The following ANOS1 variants were observed in gnomAD, a reference collection of about 807,000 sequenced individuals.
ANOS1 encodes the protein anosmin 1.
In ANOS1, 6 loss-of-function variants were observed where a neutral mutation model predicts 59.0. That is an observed-to-expected ratio of 0.10 (90% CI 0.06 to 0.20). ANOS1 has a LOEUF of 0.20. Ranked by LOEUF, ANOS1 falls within the 10% of genes least tolerant of loss-of-function variation. ANOS1 has a pLI of 1.00. For missense variants in ANOS1, 433 were observed against 542.3 expected, an observed-to-expected ratio of 0.80 and a Z score of 2.00; for synonymous variants, 217 against 223.4, an observed-to-expected ratio of 0.97 and a Z score of 0.25.
intron 1 of ANOS1, among the ~76,000 whole-genome samples, chrX:8,707,778 G>C (rs1235976309): frequency 8.9e-6 from 1 of 112,017 alleles, no homozygotes; most frequent in Non-Finnish European, 1.9e-5. Context: ...CTGCCGGGGT[G>C]GGGAGGGGAG....
At chrX:8,606,271 T>C (rs2214989) in intron 3 of ANOS1, among the ~76,000 whole-genome samples, 2 of 110,969 alleles carry the variant, frequency 1.8e-5, no homozygotes, top group African/African-American at 6.5e-5. Flanking sequence ...GAAAAAAGAA[T>C]CAGTAAAATT....
intron 4 of ANOS1, among the ~76,000 whole-genome samples, chrX:8,592,419 G>C (rs1930637840): frequency 8.9e-6 from 1 of 112,043 alleles, no homozygotes; most frequent in African/African-American, 3.2e-5. Context: ...AAAAGAAACA[G>C]ACTGAAGTAC....
chrX:8,717,418 T>A lies in ANOS1; in HGVS notation c.207+14412A>T, dbSNP rs192535099. On this transcript the variant is annotated intron_variant, in intron 1 of 13. Coordinates refer to ENST00000262648, the MANE Select transcript of ANOS1 (RefSeq NM_000216.4). Reference sequence around the variant, plus strand: ...GAATATATTCTATCCAGATTTTTTTTAAAAAATTTCTTTGCAGCTGTGAAG... The same window carrying A: ...GAATATATTCTATCCAGATTTTTTTAAAAAAATTTCTTTGCAGCTGTGAAG... Among the ~76,000 whole-genome samples, 151 of 111,835 alleles carry A rather than the reference T, an allele frequency of 1.4e-3. 1 individual carries two copies. Among genetic ancestry groups the A allele is most frequent in the Middle Eastern group, 4.6e-3 (1 of 218 alleles).
At chrX:8,589,356 G>A (rs145276018) in intron 4 of ANOS1, among the ~76,000 whole-genome samples, 1,124 of 111,628 alleles carry the variant, frequency 0.01, 10 homozygotes, top group Non-Finnish European at 0.014. Context: ...TCCTCACTGT[G>A]AGTTTGTGAA....
At chrX:8,708,149 A>T (rs1334468494) in intron 1 of ANOS1, among the ~76,000 whole-genome samples, 2 of 112,256 alleles carry the variant, frequency 1.8e-5, no homozygotes, top group Non-Finnish European at 3.8e-5. Context: ...GCTTGAATCC[A>T]GGAGGCGGAG....
At chrX:8,680,720 G>C (rs777878242) in intron 2 of ANOS1, among the ~76,000 whole-genome samples, 2 of 111,558 alleles carry the variant, frequency 1.8e-5, no homozygotes, top group South Asian at 7.5e-4. Flanking sequence ...CTCTAGCACT[G>C]AGCACTAATC....
chrX:8,667,954 T>C (rs957025448), intron 2 of ANOS1, among the ~76,000 whole-genome samples: 1 of 111,493 alleles, frequency 9.0e-6, no homozygotes, highest in Non-Finnish European at 1.9e-5. Flanking sequence ...ATAACTATTT[T>C]GTAGAAGTGC....
rs968940131 is a variant in ANOS1 at position 8,573,491 on chromosome X, T to A, written c.857-2787A>T. ...GAATTCAGGGGCCTCTCTCTTCTCA[T>A]CTACACTCACTCTCTAGGGATCTCA... is the stretch of plus-strand genomic sequence containing the variant. On this transcript the variant is annotated intron_variant, in intron 6 of 13. Transcript: ENST00000262648. Among the ~76,000 whole-genome samples, 5 of 111,570 alleles carry A rather than the reference T, an allele frequency of 4.5e-5. No individual in the cohort carries two copies. The Admixed American group carries it at 4.8e-4, about 11-fold the overall frequency.
intron 1 of ANOS1, among the ~76,000 whole-genome samples, chrX:8,719,997 C>T (rs1173366060): frequency 8.9e-6 from 1 of 111,743 alleles, no homozygotes; most frequent in Non-Finnish European, 1.9e-5. Context: ...CAAAACTTCA[C>T]ATCTTTACCA....
intron 2 of ANOS1, among the ~76,000 whole-genome samples, chrX:8,667,177 C>A (rs562468330): frequency 8.9e-6 from 1 of 111,911 alleles, no homozygotes; most frequent in Non-Finnish European, 1.9e-5. Flanking sequence ...AGCACCACAA[C>A]ATTCAAGTCT....
At chrX:8,574,172 A>C in intron 6 of ANOS1, among the ~76,000 whole-genome samples, 1 of 109,621 alleles carries the variant, frequency 9.1e-6, no homozygotes, top group Non-Finnish European at 1.9e-5. Flanking sequence ...GGAGAGGAAA[A>C]CCGCGATGCT....
chrX:8,550,330 T>C (rs1406638387), intron 9 of ANOS1, among the ~76,000 whole-genome samples: 1 of 111,801 alleles, frequency 8.9e-6, no homozygotes, highest in Non-Finnish European at 1.9e-5. Context: ...TTATAAAACA[T>C]TGTTGAGACA....
At chrX:8,680,648 C>T (rs1729643816) in intron 2 of ANOS1, among the ~76,000 whole-genome samples, 1 of 111,340 alleles carries the variant, frequency 9.0e-6, no homozygotes, top group African/African-American at 3.3e-5. Flanking sequence ...TTTCACCTTC[C>T]ACACTGAGAA....
chrX:8,540,678 C>T (rs1444561629), intron 9 of ANOS1, among the ~76,000 whole-genome samples: 2 of 106,403 alleles, frequency 1.9e-5, no homozygotes, highest in African/African-American at 6.9e-5. Context: ...CCCCCAACAT[C>T]ATGCCAAGTG....
intron 2 of ANOS1, among the ~76,000 whole-genome samples, chrX:8,670,138 T>TAA (rs1159830714): frequency 9.8e-6 from 1 of 101,627 alleles, no homozygotes; most frequent in Non-Finnish European, 2.0e-5. Flanking sequence ...ATCTGTGGAG[T>TAA]AAAAAAAAAA....
intron 8 of ANOS1, 129 bp downstream of exon 8, chrX:8,568,103 C>T: frequency 1.6e-6 from 1 of 635,630 alleles, no homozygotes; most frequent in Non-Finnish European, 2.5e-6. Flanking sequence ...TAGTCACATG[C>T]ATGTGGGTAA....
chrX:8,639,242 C>T (rs189451195), intron 2 of ANOS1, among the ~76,000 whole-genome samples: 155 of 111,491 alleles, frequency 1.4e-3, no homozygotes, highest in African/African-American at 4.8e-3. Flanking sequence ...ATCTCACTCA[C>T]ACATGAAATC....
chrX:8,724,543 C>G lies in ANOS1; in HGVS notation c.207+7287G>C, dbSNP rs188777355. On this transcript the variant is annotated intron_variant, in intron 1 of 13. Transcript: ENST00000262648. ...TATATCCCCTGAGCAGAGAGCCAATCGCCATGGTCTGCGCACATCAAGGGA... is the reference window on the plus strand; with the variant it reads ...TATATCCCCTGAGCAGAGAGCCAATGGCCATGGTCTGCGCACATCAAGGGA... 1.2e-4 allele frequency among the ~76,000 whole-genome samples: 13 copies of G among 112,338 alleles called. No homozygotes were observed. The Admixed American group carries it at 1.2e-3, about 11-fold the overall frequency.
At chrX:8,540,611 C>T (rs926116738) in intron 9 of ANOS1, among the ~76,000 whole-genome samples, 2 of 109,231 alleles carry the variant, frequency 1.8e-5, no homozygotes, top group African/African-American at 3.3e-5. Context: ...CCAGTGTGTC[C>T]GAGGAGTGTG....
Sources: allele counts gnomAD v4.1 joint callset (sites outside exome capture counted in the v4.1 genomes callset), GRCh38; gene constraint gnomAD v4.1.1; transcripts MANE v1.5; gene names NCBI Gene and HGNC (gene_info 2026-07-23, HGNC 2026-07-21).